ADGB: variants seen among roughly 807,000 people sequenced by gnomAD.
The protein encoded by ADGB is calpain-7-like protein.
A neutral mutation model predicts 210.5 loss-of-function variants in ADGB; 172 were observed. The observed-to-expected ratio is 0.82, with a 90% CI of 0.72 to 0.93. The LOEUF is 0.93. Ranked by LOEUF, ADGB falls within the 40% of genes least tolerant of loss-of-function variation. The pLI is 0.00. For missense variants in ADGB, 2,025 were observed against 1,964.8 expected, an observed-to-expected ratio of 1.03 and a Z score of -0.58; for synonymous variants, 658 against 662.7, an observed-to-expected ratio of 0.99 and a Z score of 0.11.
At chr6:146,624,464 A>G (rs886639768) in intron 1 of ADGB, among the ~76,000 whole-genome samples, 1 of 151,680 alleles carries the variant, frequency 6.6e-6, no homozygotes, top group Non-Finnish European at 1.5e-5. Context: ...TTTCTCTCCT[A>G]TATTCTTGAT....
intron 35 of ADGB, among the ~76,000 whole-genome samples, chr6:146,808,073 C>G (rs1038940517): frequency 1.4e-5 from 2 of 139,414 alleles, no homozygotes; most frequent in Admixed American, 1.6e-4. Flanking sequence ...AATCTCGGCT[C>G]TCTGCAACCT....
At chr6:146,679,045 G>A (rs1776122880) in intron 9 of ADGB, among the ~76,000 whole-genome samples, 2 of 152,118 alleles carry the variant, frequency 1.3e-5, no homozygotes, top group African/African-American at 2.4e-5. Flanking sequence ...AGGATTGCAG[G>A]AGCAAGATGT....
chr6:146,656,202 T>A (rs1775778461), intron 4 of ADGB, among the ~76,000 whole-genome samples: 2 of 152,204 alleles, frequency 1.3e-5, no homozygotes, highest in Non-Finnish European at 1.5e-5. Context: ...CCACTGGGCC[T>A]TGCTGCCTGT....
intron 20 of ADGB, 72 bp from the exon 21 acceptor site, chr6:146,733,048 T>C: frequency 8.6e-7 from 1 of 1,166,692 alleles, no homozygotes; most frequent in East Asian, 2.9e-5. Context: ...TTAGAGTATC[T>C]AAAAATTTTT....
chr6:146,781,549 G>A (rs940728318), intron 29 of ADGB, among the ~76,000 whole-genome samples: 1 of 150,946 alleles, frequency 6.6e-6, no homozygotes, highest in Non-Finnish European at 1.5e-5. Context: ...TTACAAAGAC[G>A]TAAGATCACA....
At chr6:146,751,017 G>C (rs1018983921) in intron 26 of ADGB, among the ~76,000 whole-genome samples, 2 of 152,024 alleles carry the variant, frequency 1.3e-5, no homozygotes, top group African/African-American at 4.8e-5. Context: ...AAGATGTGCA[G>C]GTTTGTTACA....
chr6:146,713,945 AT>A (rs1776695359), intron 13 of ADGB, among the ~76,000 whole-genome samples: 1 of 151,478 alleles, frequency 6.6e-6, no homozygotes, highest in Non-Finnish European at 1.5e-5. Context: ...TCTATTTTTT[AT>A]TTTCTAAGAG....
chr6:146,723,623 G>A (rs1776852869), intron 17 of ADGB, among the ~76,000 whole-genome samples: 1 of 152,116 alleles, frequency 6.6e-6, no homozygotes, highest in East Asian at 1.9e-4. Flanking sequence ...TGTAATCCCC[G>A]GTACTCCAGA....
intron 28 of ADGB, among the ~76,000 whole-genome samples, chr6:146,766,430 AAAATTAAATTAAATT>A (rs71552958): frequency 6.8e-4 from 95 of 139,444 alleles, no homozygotes; most frequent in East Asian, 1.1e-3. Flanking sequence ...CTGTCTCAGT[AAAATTAAATTAAATT>A]AAATTAAATT....
intron 1 of ADGB, among the ~76,000 whole-genome samples, chr6:146,599,610 T>A (rs1452191392): frequency 1.3e-5 from 2 of 152,220 alleles, no homozygotes; most frequent in Non-Finnish European, 2.9e-5. Context: ...TAAAGTGGCT[T>A]CTAAACCTTA....
At chr6:146,720,812 CAAGTCTGCTCCCGT>C (rs1295047421) in intron 16 of ADGB, among the ~76,000 whole-genome samples, 1 of 152,136 alleles carries the variant, frequency 6.6e-6, no homozygotes, top group Non-Finnish European at 1.5e-5. Flanking sequence ...AAGCAAGGGA[CAAGTCTGCTCCCGT>C]GATTCAATCA....
At chr6:146,812,464 A>G (rs1778316974) in intron 35 of ADGB, among the ~76,000 whole-genome samples, 1 of 152,268 alleles carries the variant, frequency 6.6e-6, no homozygotes, top group Non-Finnish European at 1.5e-5. Flanking sequence ...GGGGGAAGGC[A>G]TGTAGGAAAA....
At chr6:146,707,129 T>C (rs562100273) in intron 13 of ADGB, among the ~76,000 whole-genome samples, 2 of 152,144 alleles carry the variant, frequency 1.3e-5, no homozygotes, top group Admixed American at 6.5e-5. Context: ...TTAGTTTCCA[T>C]GTATTTGTGA....
chr6:146,735,480 C>G (rs778230988), intron 22 of ADGB, among the ~76,000 whole-genome samples: 6 of 152,212 alleles, frequency 3.9e-5, no homozygotes, highest in Non-Finnish European at 7.3e-5. Context: ...AACTAACACA[C>G]TCTTTCGATA....
chr6:146,700,871 C>A, intron 12 of ADGB, 70 bp from the exon 13 acceptor site: 1 of 1,455,708 alleles, frequency 6.9e-7, no homozygotes, highest in Non-Finnish European at 9.2e-7. Context: ...GACAAAAATG[C>A]AGTTATTTAT....
chr6:146,721,571 C>T (rs1776815593), intron 17 of ADGB, 66 bp downstream of exon 17: 6 of 263,208 alleles, frequency 2.3e-5, no homozygotes, highest in South Asian at 4.6e-5. Flanking sequence ...GGCGTGGTGG[C>T]TCACGCCTGT....
At chr6:146,638,620 G>T (rs1464244964) in intron 2 of ADGB, among the ~76,000 whole-genome samples, 1 of 131,990 alleles carries the variant, frequency 7.6e-6, no homozygotes, top group Non-Finnish European at 1.7e-5. Context: ...GGGGGGGGGG[G>T]GGAGGGATAG....
intron 28 of ADGB, among the ~76,000 whole-genome samples, chr6:146,767,150 T>G (rs1353518371): frequency 2.0e-5 from 3 of 152,324 alleles, no homozygotes; most frequent in African/African-American, 7.2e-5. Context: ...GTAAGTGTGT[T>G]CCTATTAAAA....
chr6:146,640,666 G>C (rs559948701), intron 2 of ADGB, among the ~76,000 whole-genome samples: 1 of 151,920 alleles, frequency 6.6e-6, no homozygotes, highest in Non-Finnish European at 1.5e-5. Context: ...AAAACCACAT[G>C]AATATCTATA....
Sources: gnomAD v4.1 joint callset for allele counts (sites outside exome capture counted in the v4.1 genomes callset) on GRCh38, gnomAD v4.1.1 for gene constraint, MANE v1.5 for transcripts, NCBI Gene and HGNC (gene_info 2026-07-23, HGNC 2026-07-21) for gene names.